The following TPO variants were observed in gnomAD, a reference collection of about 807,000 sequenced individuals.
TPO encodes thyroid peroxidase.
TPO carries 78 observed loss-of-function variants against 96.9 expected under a neutral mutation model. The observed-to-expected ratio is 0.81, with a 90% CI of 0.67 to 0.97. TPO has a LOEUF of 0.97. TPO is among the 50% of genes least tolerant of loss of function. The pLI, the probability that TPO is intolerant of heterozygous loss-of-function variation, is 0.00. For synonymous variants in TPO, 547 were observed against 538.0 expected (o/e 1.02, Z -0.23); for missense variants, 1,252 against 1,274.8 (o/e 0.98, Z 0.27).
At position 1,437,539 on chromosome 2, in the gene TPO, T is replaced by C. The variant is rs563706748; in HGVS notation, c.482+1155T>C. On this transcript the variant is annotated intron_variant, in intron 5 of 16. Transcript: ENST00000329066. The stretch of plus-strand genomic sequence containing the variant: ...ACAGAGAGCAGGGGCTTTGCGACAA[T>C]GAACAGGAATCGGGGTCCTGGGTAT... 3.8e-3 allele frequency among the ~76,000 whole-genome samples: 574 copies of C among 151,974 alleles called. 2 individuals are homozygous for C. Among genetic ancestry groups the C allele is most frequent in the Non-Finnish European group, 6.8e-3 (465 of 67,986 alleles).
intron 7 of TPO, among the ~76,000 whole-genome samples, chr2:1,472,289 T>A (rs1413266782): frequency 1.3e-5 from 2 of 152,034 alleles, no homozygotes; most frequent in African/African-American, 4.8e-5. Flanking sequence ...ATCCAAATAC[T>A]CATGCTATGT....
At chr2:1,466,741 T>C (rs1218981752) in intron 7 of TPO, among the ~76,000 whole-genome samples, 1 of 152,240 alleles carries the variant, frequency 6.6e-6, no homozygotes, top group Non-Finnish European at 1.5e-5. Context: ...CCCATTTTGC[T>C]TCTAATTGAG....
chr2:1,400,535 C>T (rs373105816), intron 1 of TPO, among the ~76,000 whole-genome samples: 12 of 135,154 alleles, frequency 8.9e-5, no homozygotes, highest in African/African-American at 3.0e-4. Flanking sequence ...CACCACTGCA[C>T]TCCAGCCTGG....
At chr2:1,518,014 C>T (rs546296594) in intron 15 of TPO, among the ~76,000 whole-genome samples, 40 of 152,184 alleles carry the variant, frequency 2.6e-4, no homozygotes, top group Admixed American at 2.0e-3. Flanking sequence ...CCCCTGCAGT[C>T]ACCTTCGCCC....
intron 15 of TPO, among the ~76,000 whole-genome samples, chr2:1,529,332 T>A (rs866414785): frequency 4.7e-5 from 1 of 21,352 alleles, no homozygotes; most frequent in Non-Finnish European, 7.7e-5. Context: ...GTCCCCAAAT[T>A]CCCCCACTGT....
At chr2:1,454,284 C>T (rs6588664) in intron 6 of TPO, among the ~76,000 whole-genome samples, 141,444 of 152,238 alleles carry the variant, frequency 0.93, 65,781 homozygotes, top group South Asian at 0.98. Context: ...GTCATTTTGC[C>T]TGTAATTTAA....
intron 2 of TPO, among the ~76,000 whole-genome samples, chr2:1,421,614 A>C (rs912464027): frequency 6.6e-6 from 1 of 152,222 alleles, no homozygotes; most frequent in African/African-American, 2.4e-5. Flanking sequence ...ATGTGAGTTG[A>C]GTTGCCTGGG....
At chr2:1,384,799 A>C (rs1418156233) in intron 1 of TPO, among the ~76,000 whole-genome samples, 1 of 152,180 alleles carries the variant, frequency 6.6e-6, no homozygotes. Flanking sequence ...CAGTTTTCAA[A>C]GGGAATGCTT....
At chr2:1,516,596 G>T (rs1674736520) in intron 14 of TPO, among the ~76,000 whole-genome samples, 1 of 152,198 alleles carries the variant, frequency 6.6e-6, no homozygotes, top group Middle Eastern at 3.2e-3. Context: ...TGTGCTTTCT[G>T]TCCTGCAGGA....
At chr2:1,530,451 G>A (rs1246817166) in intron 15 of TPO, among the ~76,000 whole-genome samples, 3 of 106,050 alleles carry the variant, frequency 2.8e-5, no homozygotes, top group Non-Finnish European at 3.9e-5. Context: ...GCAACCTCCC[G>A]AAATCCCATC....
intron 7 of TPO, among the ~76,000 whole-genome samples, chr2:1,472,370 C>A (rs530800653): frequency 6.6e-6 from 1 of 151,630 alleles, no homozygotes; most frequent in African/African-American, 2.4e-5. Flanking sequence ...GCTCTTCCCA[C>A]GATATGAGTG....
At chr2:1,397,528 G>A (rs1662100835) in intron 1 of TPO, among the ~76,000 whole-genome samples, 1 of 152,194 alleles carries the variant, frequency 6.6e-6, no homozygotes, top group Non-Finnish European at 1.5e-5. Context: ...TCCAGCTGCA[G>A]CTCAAATTCA....
At position 1,487,985 on chromosome 2, in the gene TPO, C is replaced by A; in HGVS notation, c.1762C>A (p.Leu588Met). 6.2e-7 allele frequency: 1 copy of A among 1,612,830 alleles called. No homozygotes were observed. The highest frequency in any genetic ancestry group is 8.5e-7 in the Non-Finnish European group (1 of 1,180,038). Residue 588 changes from leucine to methionine, a missense_variant, in exon 10 of 17, where the codon CTG becomes ATG. Physicochemically the swap from Leu to Met is conservative, Grantham distance 15. Transcript: ENST00000329066. ...CCTGCAGAGGGGCCGGGACCACGGG[C>A]TGCCAGGTCTGCCAGTTCCTTCCCT... ...INLQRGRDHG[L>M]PGYNEWREFC...
intron 15 of TPO, among the ~76,000 whole-genome samples, chr2:1,531,111 C>CA: frequency 1.1e-5 from 1 of 93,976 alleles, no homozygotes; most frequent in African/African-American, 4.2e-5. Flanking sequence ...CCCAAATCCC[C>CA]CCACTGTGTG....
At chr2:1,389,647 C>T (rs13018890) in intron 1 of TPO, among the ~76,000 whole-genome samples, 3,917 of 152,260 alleles carry the variant, frequency 0.026, 81 homozygotes, top group Non-Finnish European at 0.043. Flanking sequence ...ATGGCATGCT[C>T]TTACTTGGGC....
chr2:1,535,899 AACCCCCCCAAATCCCGTGT>A (rs1679537040), intron 15 of TPO, among the ~76,000 whole-genome samples: 1 of 33,498 alleles, frequency 3.0e-5, no homozygotes, highest in Non-Finnish European at 6.7e-5. Context: ...GAATGTGTGC[AACCCCCCCAAATCCCGTGT>A]GCAACCTCCC....
intron 4 of TPO, 30 bp downstream of exon 4, chr2:1,433,637 G>T (rs775382706): frequency 3.7e-6 from 6 of 1,608,080 alleles, no homozygotes; most frequent in Non-Finnish European, 5.1e-6. Flanking sequence ...CCACTGAGGA[G>T]CGGCAACTCC....
chr2:1,476,926 G>C (rs12328004), intron 7 of TPO, among the ~76,000 whole-genome samples, 160 bp from the exon 8 acceptor site: 10,830 of 151,726 alleles, frequency 0.071, 646 homozygotes, highest in African/African-American at 0.15. Flanking sequence ...AAGCAGGCCG[G>C]GGGGGGAGGT....
chr2:1,437,002 T>C (rs1665641532), intron 5 of TPO, among the ~76,000 whole-genome samples: 1 of 152,120 alleles, frequency 6.6e-6, no homozygotes, highest in Admixed American at 6.5e-5. Context: ...CCTCCTCTGG[T>C]CCACAATGGC....
Sources: gnomAD v4.1 joint callset for allele counts (sites outside exome capture counted in the v4.1 genomes callset) on GRCh38, gnomAD v4.1.1 for gene constraint, MANE v1.5 for transcripts, NCBI Gene and HGNC (gene_info 2026-07-23, HGNC 2026-07-21) for gene names.